The following GPN3 variants were observed in gnomAD, a reference collection of about 807,000 sequenced individuals.
GPN3 encodes ATP-binding domain 1 family member C.
GPN3 carries 31 observed loss-of-function variants against 38.7 expected under a neutral mutation model. The ratio of observed to expected loss-of-function variants is 0.80; its 90% CI spans 0.60 to 1.08. The LOEUF (loss-of-function observed/expected upper bound fraction) is 1.08, where lower values mean the gene tolerates loss of function less well. GPN3 is among the 50% of genes least tolerant of loss of function. The pLI is 0.00. For missense variants in GPN3, 301 were observed against 354.4 expected (o/e 0.85, Z 1.21); for synonymous variants, 116 against 120.2 (o/e 0.96, Z 0.23).
At chr12:110,460,920 C>T (rs1000458476) in intron 2 of GPN3, 26 of 765,874 alleles carry the variant, frequency 3.4e-5, no homozygotes, top group Admixed American at 2.4e-4. Flanking sequence ...GCCAAGATCA[C>T]GCCACTGCTC....
chr12:110,465,120 T>C lies in GPN3; in HGVS notation c.143A>G (p.Tyr48Cys). 2 of 1,582,374 alleles carry C rather than the reference T, an allele frequency of 1.3e-6. No homozygotes were observed. The highest frequency in any genetic ancestry group is 1.7e-6 in the Non-Finnish European group (2 of 1,151,104). ...NLDPAAEHFN[Y>C]SVMADIRELI... Reference sequence around the variant, plus strand: ...TCAGGACTTACCAGCCATCACGGAGTAGTTGAAGTGTTCTGCTGCTGGATC... The same window carrying C: ...TCAGGACTTACCAGCCATCACGGAGCAGTTGAAGTGTTCTGCTGCTGGATC... Residue 48 changes from tyrosine to cysteine, a missense_variant, in exon 2 of 8, where the codon TAC (tyrosine) becomes TGC (cysteine). Physicochemically the swap from Tyr to Cys is radical, Grantham distance 194 (BLOSUM62 -2). Transcript: ENST00000228827.
chr12:110,465,081 G>C lies in GPN3; in HGVS notation c.157+25C>G, dbSNP rs78424867. On this transcript the variant is annotated intron_variant, in intron 2 of 7. Transcript: ENST00000228827. ...CCAGCCCTTACTGTTCCTGAAGGTGGGGGGAGCCTTTGCTCAGGACTTACC... is the reference window on the plus strand; with the variant it reads ...CCAGCCCTTACTGTTCCTGAAGGTGCGGGGAGCCTTTGCTCAGGACTTACC... The C allele has an allele frequency of 7.8e-4, 947 of 1,208,136 alleles. 18 individuals carry two copies. The East Asian group carries it at 0.022, about 28-fold the overall frequency. 74.8% of individuals were successfully genotyped at this position (1,208,136 alleles called of 1,614,324 possible). A position where few individuals can be genotyped will look rare whatever the true frequency, so the allele number is the denominator to read the frequency against.
intron 7 of GPN3, 87 bp downstream of exon 7, chr12:110,453,656 A>G: frequency 2.9e-6 from 3 of 1,019,028 alleles, no homozygotes; most frequent in South Asian, 1.4e-5. Flanking sequence ...AACTAATTTA[A>G]GGAGTCGCCT....
chr12:110,468,116 G>A (rs1425469402), intron 1 of GPN3, 40 bp downstream of exon 1: 2 of 1,613,890 alleles, frequency 1.2e-6, no homozygotes, highest in Admixed American at 3.3e-5. Context: ...CGCCTTCCAC[G>A]AACTCCTACT....
In GPN3 at chr12:110,452,630, T is replaced by G. The variant is rs2062520467; in HGVS notation, c.*404A>C. On this transcript the variant is annotated 3_prime_UTR_variant, in exon 8 of 8. Coordinates refer to ENST00000228827, the MANE Select transcript of GPN3 (RefSeq NM_016301.4). ...ATATAGGAAAATGGGAAGATACAGA[T>G]AAGCAGTGGTCTTATATATATCCTT... 5.9e-6 allele frequency: 1 copy of G among 169,406 alleles called. No individual in the cohort carries two copies. The highest frequency in any genetic ancestry group is 1.3e-5 in the Non-Finnish European group (1 of 77,334). 10.5% of individuals were successfully genotyped at this position (169,406 alleles called of 1,614,324 possible). A position where few individuals can be genotyped will look rare whatever the true frequency, so the allele number is the denominator to read the frequency against.
chr12:110,468,438 A>T, upstream of GPN3: 1 of 1,535,238 alleles, frequency 6.5e-7, no homozygotes, highest in African/African-American at 1.4e-5. Flanking sequence ...GTTGATGGAA[A>T]TCGGCCGTTG....
chr12:110,468,524 C>T (rs1299565576), upstream of GPN3: 4 of 1,537,184 alleles, frequency 2.6e-6, no homozygotes, highest in Non-Finnish European at 3.5e-6. Context: ...CCACGTGCTT[C>T]GGTCCGTGGT....
At chr12:110,454,558 G>A (rs2062536682) in intron 6 of GPN3, among the ~76,000 whole-genome samples, 1 of 151,934 alleles carries the variant, frequency 6.6e-6, no homozygotes, top group Admixed American at 6.6e-5. Context: ...CACCATGTTG[G>A]TCAGCCTGGT....
Position 110,464,801 on chromosome 12 carries a change from G to A in GPN3, c.157+305C>T, listed in dbSNP as rs1419033673. 6 of 316,134 alleles carry A rather than the reference G, an allele frequency of 1.9e-5. No homozygotes were observed. The South Asian group carries it at 2.0e-4, about 11-fold the overall frequency. 19.6% of individuals were successfully genotyped at this position (316,134 alleles called of 1,614,324 possible). On this transcript the variant is annotated intron_variant, in intron 2 of 7. Transcript: ENST00000228827. ...GTAGAGACAGGGTTTCACCATGTTG[G>A]TCAGGCTGGTCTCAAATTCCTGACC...
At position 110,459,776 on chromosome 12, in the gene GPN3, C is replaced by T; in HGVS notation, c.244G>A (p.Glu82Lys). The stretch of plus-strand genomic sequence containing the variant: ...CAGTCAAAATTATTGGCAAAGTACT[C>T]CATGCAAAATACCAATCCTCCGTTG... ...GPNGGLVFCMEYFANNFDWLE... is the reference protein window; with the variant it reads ...GPNGGLVFCMKYFANNFDWLE... The change falls in exon 3 of 8, where the codon GAG becomes AAG. Residue 82 changes from glutamate to lysine, a missense_variant. Physicochemically the swap from Glu to Lys is moderately conservative, Grantham distance 56. Coordinates refer to ENST00000228827, the MANE Select transcript of GPN3 (RefSeq NM_016301.4). 1 of 1,612,726 alleles carries T rather than the reference C, an allele frequency of 6.2e-7. No homozygotes were observed. Among genetic ancestry groups the T allele is most frequent in the Non-Finnish European group, 8.5e-7 (1 of 1,178,708 alleles).
upstream of GPN3, chr12:110,468,394 G>A: frequency 2.6e-6 from 4 of 1,527,044 alleles, no homozygotes; most frequent in Non-Finnish European, 2.6e-6. Context: ...AAAGGGGAGG[G>A]GCGAGGGAGA....
intron 1 of GPN3, 124 bp downstream of exon 1, chr12:110,468,032 G>C: frequency 7.6e-7 from 1 of 1,311,598 alleles, no homozygotes; most frequent in Admixed American, 1.7e-5. Context: ...CCAGACAGCA[G>C]AAATGAGTTG....
At chr12:110,453,716 T>A in intron 7 of GPN3, 27 bp downstream of exon 7, 11 of 1,589,546 alleles carry the variant, frequency 6.9e-6, no homozygotes, top group Non-Finnish European at 8.6e-6. Flanking sequence ...TATCAAAAGC[T>A]AACAAACACC....
chr12:110,467,906 G>A (rs1403466931), intron 1 of GPN3, among the ~76,000 whole-genome samples: 1 of 152,078 alleles, frequency 6.6e-6, no homozygotes, highest in Non-Finnish European at 1.5e-5. Context: ...TCTCTCACAG[G>A]GTTGTTGTAG....
intron 6 of GPN3, among the ~76,000 whole-genome samples, chr12:110,454,636 G>A (rs888056719): frequency 1.3e-5 from 2 of 151,884 alleles, no homozygotes; most frequent in African/African-American, 2.4e-5. Context: ...ATAGGCGTGA[G>A]CCACTGCACA....
intron 2 of GPN3, 162 bp downstream of exon 2, chr12:110,464,944 A>G: frequency 1.6e-6 from 1 of 626,692 alleles, no homozygotes; most frequent in Non-Finnish European, 2.9e-6. Context: ...ACTGTCACAC[A>G]TATCACCATG....
upstream of GPN3, chr12:110,468,308 C>T: frequency 1.3e-6 from 2 of 1,586,502 alleles, no homozygotes; most frequent in South Asian, 1.1e-5. Flanking sequence ...ATTCTTTCTA[C>T]GCCTCCAGTT....
At position 110,468,137 on chromosome 12, in the gene GPN3, T is replaced by C. The variant is rs368968855; in HGVS notation, c.48+19A>G. On this transcript the variant is annotated intron_variant, in intron 1 of 7. Transcript: ENST00000228827. Reference sequence around the variant, plus strand: ...CCACGAACTCCTACTTTTCTCTCCTTGTCCCCGCAGATCCTCACCTTCCCG... The same window carrying C: ...CCACGAACTCCTACTTTTCTCTCCTCGTCCCCGCAGATCCTCACCTTCCCG... 6.2e-7 allele frequency: 1 copy of C among 1,613,908 alleles called. No individual in the cohort carries two copies. Among genetic ancestry groups the C allele is most frequent in the African/African-American group, 1.3e-5 (1 of 74,922 alleles).
At position 110,464,835 on chromosome 12, in the gene GPN3, C is replaced by T. The variant is rs914118681; in HGVS notation, c.157+271G>A. ...GTCTCAAATTCCTGACCTCGTGATC[C>T]ACCCGCCTCGGCCTCCCAAAGTGCT... On this transcript the variant is annotated intron_variant, in intron 2 of 7. Coordinates refer to ENST00000228827, the MANE Select transcript of GPN3 (RefSeq NM_016301.4). 6.4e-5 allele frequency: 24 copies of T among 376,500 alleles called. No homozygotes were observed. In the East Asian group the frequency reaches 6.4e-4, roughly 10 times the overall value. 23.3% of individuals were successfully genotyped at this position (376,500 alleles called of 1,614,324 possible).
Sources: allele counts gnomAD v4.1 joint callset (sites outside exome capture counted in the v4.1 genomes callset), GRCh38; gene constraint gnomAD v4.1.1; transcripts MANE v1.5; gene names NCBI Gene and HGNC (gene_info 2026-07-23, HGNC 2026-07-21).